IL1RAPL2: variants seen among roughly 807,000 people sequenced by gnomAD.
IL1RAPL2 encodes the protein interleukin 1 receptor accessory protein like 2, also known as X-linked interleukin-1 receptor accessory protein-like 2.
A neutral mutation model predicts 44.1 loss-of-function variants in IL1RAPL2; 3 were observed. That is an observed-to-expected ratio of 0.07 (90% CI 0.03 to 0.18). The LOEUF is 0.18. Among genes scored for constraint, IL1RAPL2 ranks in the 10% least tolerant of loss-of-function variants. The pLI is 1.00. For synonymous variants in IL1RAPL2, 181 were observed against 178.8 expected (o/e 1.01, Z -0.10); for missense variants, 391 against 496.4 (o/e 0.79, Z 2.02).
At chrX:104,945,751 T>C (rs1256908435) in intron 2 of IL1RAPL2, among the ~76,000 whole-genome samples, 4 of 112,340 alleles carry the variant, frequency 3.6e-5, no homozygotes, top group Non-Finnish European at 7.5e-5. Context: ...ATGAGCAGTT[T>C]CATTAATTAC....
intron 6 of IL1RAPL2, among the ~76,000 whole-genome samples, chrX:105,591,214 T>C (rs1371891575): frequency 9.1e-6 from 1 of 109,993 alleles, no homozygotes; most frequent in Non-Finnish European, 1.9e-5. Flanking sequence ...GTGTTTGTGA[T>C]AGTCTCCAAG....
intron 4 of IL1RAPL2, among the ~76,000 whole-genome samples, chrX:105,260,430 T>A (rs1200369117): frequency 9.0e-6 from 1 of 110,682 alleles, no homozygotes; most frequent in East Asian, 2.8e-4. Flanking sequence ...CTCGCCACAT[T>A]TTAGTAGAGC....
chrX:105,338,717 C>CT (rs1322051400), intron 5 of IL1RAPL2, among the ~76,000 whole-genome samples: 8 of 111,795 alleles, frequency 7.2e-5, no homozygotes, highest in African/African-American at 2.6e-4. Context: ...CTTTTTCATC[C>CT]TTTTTTTCTT....
At chrX:105,710,943 T>A (rs1430162248) in intron 6 of IL1RAPL2, among the ~76,000 whole-genome samples, 2 of 106,172 alleles carry the variant, frequency 1.9e-5, no homozygotes, top group Admixed American at 2.1e-4. Flanking sequence ...CATATAAATA[T>A]ATATATATAT....
At chrX:105,043,867 T>A (rs920229700) in intron 2 of IL1RAPL2, among the ~76,000 whole-genome samples, 3 of 112,159 alleles carry the variant, frequency 2.7e-5, no homozygotes, top group African/African-American at 9.7e-5. Flanking sequence ...AGCAAAGGTT[T>A]GTCTCTTAAA....
chrX:105,347,353 A>G (rs1209523580), intron 5 of IL1RAPL2, among the ~76,000 whole-genome samples: 2 of 111,432 alleles, frequency 1.8e-5, no homozygotes, highest in African/African-American at 3.3e-5. Context: ...TAACTTTCTG[A>G]ACCTAGTTTT....
chrX:104,775,205 A>G lies in IL1RAPL2; in HGVS notation c.82+116210A>G, dbSNP rs778927273. 1.5e-4 allele frequency among the ~76,000 whole-genome samples: 17 copies of G among 112,476 alleles called. No homozygotes were observed. In the South Asian group the frequency reaches 6.2e-3, roughly 41 times the overall value. ...GTTCCAACAGCTGGGTATTAATACT[A>G]CCCAGATACTTGTTTACTTCAGTTA... On this transcript the variant is annotated intron_variant, in intron 2 of 10. Coordinates refer to ENST00000372582, the MANE Select transcript of IL1RAPL2 (RefSeq NM_017416.2).
intron 1 of IL1RAPL2, chrX:104,647,901 G>GA: frequency 1.5e-6 from 1 of 650,695 alleles, no homozygotes. Context: ...ACAGCTCTGT[G>GA]ACCAGCATCC....
intron 2 of IL1RAPL2, among the ~76,000 whole-genome samples, chrX:105,059,722 G>A (rs1294939377): frequency 1.8e-5 from 2 of 110,657 alleles, no homozygotes; most frequent in African/African-American, 6.6e-5. Flanking sequence ...GTAGAGATGG[G>A]GTTTCACCAT....
intron 1 of IL1RAPL2, among the ~76,000 whole-genome samples, chrX:104,625,598 A>G (rs1929489402): frequency 9.0e-6 from 1 of 111,469 alleles, no homozygotes; most frequent in African/African-American, 3.3e-5. Flanking sequence ...TCAGGCTCAG[A>G]AGAAAGCCAT....
intron 2 of IL1RAPL2, among the ~76,000 whole-genome samples, chrX:104,753,095 C>A (rs1373058302): frequency 2.8e-5 from 3 of 107,513 alleles, no homozygotes; most frequent in Non-Finnish European, 5.8e-5. Flanking sequence ...CTGGGCTTGT[C>A]TACTTGAGTG....
chrX:105,241,144 A>G (rs1237013879), intron 4 of IL1RAPL2, among the ~76,000 whole-genome samples: 4 of 111,329 alleles, frequency 3.6e-5, no homozygotes, highest in African/African-American at 1.3e-4. Flanking sequence ...TCTCTTTTGG[A>G]TGCTTCAGGG....
chrX:105,535,620 T>C (rs1290284977), intron 6 of IL1RAPL2, among the ~76,000 whole-genome samples: 1 of 111,479 alleles, frequency 9.0e-6, no homozygotes, highest in Non-Finnish European at 1.9e-5. Context: ...AGGAGCAAAA[T>C]ATAGAAACAA....
At chrX:104,905,833 C>T (rs1422696584) in intron 2 of IL1RAPL2, among the ~76,000 whole-genome samples, 1 of 110,947 alleles carries the variant, frequency 9.0e-6, no homozygotes, top group Non-Finnish European at 1.9e-5. Context: ...TTTTCCAATT[C>T]TGTGAAGAAA....
intron 6 of IL1RAPL2, among the ~76,000 whole-genome samples, chrX:105,642,698 C>T (rs1336342401): frequency 8.9e-6 from 1 of 112,193 alleles, no homozygotes; most frequent in Non-Finnish European, 1.9e-5. Context: ...ATCAGTGAAT[C>T]CTAGAAGATG....
At chrX:104,787,654 G>A (rs958040834) in intron 2 of IL1RAPL2, among the ~76,000 whole-genome samples, 9 of 111,404 alleles carry the variant, frequency 8.1e-5, no homozygotes, top group African/African-American at 2.9e-4. Context: ...GAATGACTGG[G>A]TACAGTAAGG....
intron 6 of IL1RAPL2, among the ~76,000 whole-genome samples, chrX:105,568,129 C>T (rs1001150719): frequency 9.0e-6 from 1 of 110,519 alleles, no homozygotes; most frequent in Non-Finnish European, 1.9e-5. Context: ...GAGTCAAAGA[C>T]GTGAAAGACA....
chrX:104,645,735 T>C (rs1188300673), intron 1 of IL1RAPL2, among the ~76,000 whole-genome samples: 1 of 112,776 alleles, frequency 8.9e-6, no homozygotes, highest in African/African-American at 3.2e-5. Flanking sequence ...CATGTTCCCA[T>C]TGTATTCCTA....
intron 2 of IL1RAPL2, among the ~76,000 whole-genome samples, chrX:104,760,730 G>A (rs188418440): frequency 3.6e-5 from 4 of 111,056 alleles, no homozygotes; most frequent in Non-Finnish European, 7.5e-5. Context: ...CTCATGATGC[G>A]GGTCGTATCT....
Sources: allele counts gnomAD v4.1 joint callset (sites outside exome capture counted in the v4.1 genomes callset), GRCh38; gene constraint gnomAD v4.1.1; transcripts MANE v1.5; gene names NCBI Gene and HGNC (gene_info 2026-07-23, HGNC 2026-07-21).